CMIP: variants seen among roughly 807,000 people sequenced by gnomAD.
CMIP encodes the protein c-Maf inducing protein, also known as C-Maf-inducing protein.
CMIP carries 13 observed loss-of-function variants against 97.3 expected under a neutral mutation model. The observed-to-expected ratio is 0.13, with a 90% confidence interval of 0.09 to 0.21. The LOEUF (loss-of-function observed/expected upper bound fraction) is 0.21, where lower values mean the gene tolerates loss of function less well. CMIP is among the 10% of genes least tolerant of loss of function. The pLI, the probability that CMIP is intolerant of heterozygous loss-of-function variation, is 1.00. For synonymous variants in CMIP, 538 were observed against 436.3 expected (o/e 1.23, Z -2.91); for missense variants, 847 against 1,024.9 (o/e 0.83, Z 2.37).
chr16:81,592,262 A>G (rs1297624295), intron 1 of CMIP, among the ~76,000 whole-genome samples: 1 of 152,242 alleles, frequency 6.6e-6, no homozygotes, highest in African/African-American at 2.4e-5. Context: ...GTCGAGGGCT[A>G]TCTCCTGGTC....
intron 3 of CMIP, among the ~76,000 whole-genome samples, chr16:81,634,450 A>T (rs924456157): frequency 3.3e-5 from 5 of 152,190 alleles, no homozygotes; most frequent in Admixed American, 3.3e-4. Flanking sequence ...GAGATCAAGC[A>T]TGGATGACTA....
chr16:81,447,479 G>T (rs1231570227), intron 1 of CMIP, among the ~76,000 whole-genome samples: 1 of 152,100 alleles, frequency 6.6e-6, no homozygotes, highest in African/African-American at 2.4e-5. Flanking sequence ...GAGAAAGAGG[G>T]AAGGAAGAAA....
At chr16:81,547,067 A>T (rs148345308) in intron 1 of CMIP, among the ~76,000 whole-genome samples, 13 of 152,078 alleles carry the variant, frequency 8.5e-5, no homozygotes, top group Non-Finnish European at 1.9e-4. Context: ...CTGGGCTGGG[A>T]TGTGGGCACA....
chr16:81,585,851 G>A (rs988364694), intron 1 of CMIP, among the ~76,000 whole-genome samples: 2 of 152,156 alleles, frequency 1.3e-5, no homozygotes, highest in African/African-American at 4.8e-5. Flanking sequence ...AGCAGAGTTA[G>A]TGGCTGTCTT....
chr16:81,649,530 G>T (rs139582024), intron 3 of CMIP, among the ~76,000 whole-genome samples: 1 of 152,346 alleles, frequency 6.6e-6, no homozygotes, highest in East Asian at 1.9e-4. Flanking sequence ...ATGAGACTTC[G>T]CTGGAATGAT....
At chr16:81,605,239 A>G (rs2091722847) in intron 1 of CMIP, among the ~76,000 whole-genome samples, 1 of 152,178 alleles carries the variant, frequency 6.6e-6, no homozygotes, top group African/African-American at 2.4e-5. Context: ...TGTGACTTTG[A>G]GGCACGCTGC....
At chr16:81,594,543 C>G (rs1439917666) in intron 1 of CMIP, among the ~76,000 whole-genome samples, 13 of 152,140 alleles carry the variant, frequency 8.5e-5, no homozygotes, top group Non-Finnish European at 1.9e-4. Flanking sequence ...TGCCTGAGAC[C>G]TCGAATAGTA....
At chr16:81,594,944 A>G (rs191454513) in intron 1 of CMIP, among the ~76,000 whole-genome samples, 2 of 152,040 alleles carry the variant, frequency 1.3e-5, no homozygotes, top group Admixed American at 1.3e-4. Context: ...CCTATGATAA[A>G]GTTTAATTTA....
intron 11 of CMIP, 101 bp downstream of exon 11, chr16:81,691,941 A>C (rs1906127805): frequency 9.5e-7 from 1 of 1,051,094 alleles, no homozygotes; most frequent in Non-Finnish European, 1.5e-6. Flanking sequence ...TGGGGAAGCG[A>C]AGTCACAGCG....
intron 1 of CMIP, among the ~76,000 whole-genome samples, chr16:81,500,997 G>A (rs1353682641): frequency 6.6e-6 from 1 of 152,238 alleles, no homozygotes; most frequent in East Asian, 1.9e-4. Context: ...TGGTTAGCAA[G>A]TTTTTACGAG....
intron 1 of CMIP, among the ~76,000 whole-genome samples, chr16:81,498,310 A>G (rs2089530617): frequency 6.6e-6 from 1 of 152,052 alleles, no homozygotes; most frequent in African/African-American, 2.4e-5. Context: ...CCTTGGGCAC[A>G]TTCTCTCCTT....
chr16:81,701,731 G>C lies in CMIP; in HGVS notation c.1827G>C (p.Leu609=). Residue 609 remains leucine, a synonymous_variant, in exon 16 of 21, where the codon CTG becomes CTC. Transcript: ENST00000537098. ...CCCAACTGCAGATCATCTCAACCCT[G>C]GAGAGCACAGACGTGGGGAAGCGCA... ...NDTQLQIIST[L]ESTDVGKRMY... is the part of the protein sequence containing the mutation. 6.2e-7 allele frequency: 1 copy of C among 1,613,912 alleles called. No individual in the cohort carries two copies. Among genetic ancestry groups the C allele is most frequent in the South Asian group, 1.1e-5 (1 of 91,082 alleles).
intron 3 of CMIP, among the ~76,000 whole-genome samples, chr16:81,643,295 A>G (rs2092327757): frequency 6.6e-6 from 1 of 152,248 alleles, no homozygotes; most frequent in South Asian, 2.1e-4. Context: ...CACATAGTGT[A>G]TGATTCCATT....
At chr16:81,458,764 C>T (rs1906717162) in intron 1 of CMIP, among the ~76,000 whole-genome samples, 2 of 152,144 alleles carry the variant, frequency 1.3e-5, no homozygotes, top group African/African-American at 4.8e-5. Flanking sequence ...GGCCATTTAA[C>T]CAGTGGTGTG....
At chr16:81,610,402 G>A in intron 2 of CMIP, 2 of 985,792 alleles carry the variant, frequency 2.0e-6, no homozygotes, top group Non-Finnish European at 2.4e-6. Flanking sequence ...GCAGTCAGAG[G>A]CAGGAGCAGG....
At chr16:81,549,269 G>A (rs1332241681) in intron 1 of CMIP, among the ~76,000 whole-genome samples, 1 of 152,198 alleles carries the variant, frequency 6.6e-6, no homozygotes, top group Admixed American at 6.5e-5. Context: ...TATTTCTTAG[G>A]CAATGATTAA....
intron 2 of CMIP, among the ~76,000 whole-genome samples, chr16:81,611,724 C>T (rs890131073): frequency 2.6e-5 from 4 of 152,164 alleles, no homozygotes; most frequent in African/African-American, 9.7e-5. Flanking sequence ...TCTTCTCTTC[C>T]TCCTCCTCCG....
rs772897147 is a variant in CMIP at position 81,664,325 on chromosome 16, G to A, written c.801G>A (p.Val267=). Residue 267 remains valine (V), a synonymous_variant, in exon 7 of 21, where the codon GTG becomes GTA. Coordinates refer to ENST00000537098, the MANE Select transcript of CMIP (RefSeq NM_198390.3). ...MVVIEVFTPV[V]QRILKHNMDF... ...TCATCGAGGTGTTCACCCCCGTGGT[G>A]CAGCGAATCCTCAAGCATAACATGG... 1.9e-6 allele frequency: 3 copies of A among 1,598,844 alleles called. No individual in the cohort carries two copies. Among genetic ancestry groups the A allele is most frequent in the African/African-American group, 1.3e-5 (1 of 74,690 alleles).
chr16:81,527,333 T>G (rs566154867), intron 1 of CMIP, among the ~76,000 whole-genome samples: 1 of 152,282 alleles, frequency 6.6e-6, no homozygotes, highest in South Asian at 2.1e-4. Context: ...ATAATGATAA[T>G]GCCTGATGGA....
Sources: allele counts gnomAD v4.1 joint callset (sites outside exome capture counted in the v4.1 genomes callset), GRCh38; gene constraint gnomAD v4.1.1; transcripts MANE v1.5; gene names NCBI Gene and HGNC (gene_info 2026-07-23, HGNC 2026-07-21).